The following ZNF700 variants were observed in gnomAD, a reference collection of about 807,000 sequenced individuals.
ZNF700 encodes the protein zinc finger protein 700.
ZNF700 carries 38 observed loss-of-function variants against 65.3 expected under a neutral mutation model. The ratio of observed to expected loss-of-function variants is 0.58; its 90% CI spans 0.45 to 0.76. ZNF700 has a LOEUF of 0.76. Among genes scored for constraint, ZNF700 ranks in the 30% least tolerant of loss-of-function variants. The pLI is 0.00. For synonymous variants in ZNF700, 285 were observed against 290.4 expected, an observed-to-expected ratio of 0.98 and a Z score of 0.19; for missense variants, 857 against 888.4, an observed-to-expected ratio of 0.96 and a Z score of 0.45.
At chr19:11,941,227 G>A (rs1834580281) in intron 1 of ZNF700, among the ~76,000 whole-genome samples, 1 of 152,278 alleles carries the variant, frequency 6.6e-6, no homozygotes, top group Non-Finnish European at 1.5e-5. Context: ...AGCCCAGATG[G>A]CTTCACCCAG....
chr19:11,925,564 C>G (rs528718333), intron 1 of ZNF700, among the ~76,000 whole-genome samples: 16 of 152,294 alleles, frequency 1.1e-4, no homozygotes, highest in African/African-American at 3.8e-4. Flanking sequence ...CCAGATTGTG[C>G]GGAAGCAACG....
At chr19:11,934,694 T>C (rs1469474293) in intron 1 of ZNF700, among the ~76,000 whole-genome samples, 1 of 147,470 alleles carries the variant, frequency 6.8e-6, no homozygotes, top group African/African-American at 2.7e-5. Context: ...TCCTGACCAA[T>C]TTTTGTATTA....
At chr19:11,946,590 G>C (rs1228198622) in intron 1 of ZNF700, among the ~76,000 whole-genome samples, 1 of 152,120 alleles carries the variant, frequency 6.6e-6, no homozygotes, top group African/African-American at 2.4e-5. Flanking sequence ...CTGGCTTACA[G>C]GTAATCTTGT....
Position 11,926,953 on chromosome 19 carries a change from T to A in ZNF700, c.63+1680T>A, listed in dbSNP as rs540910668. Among the ~76,000 whole-genome samples, 6 of 152,276 alleles carry A rather than the reference T, an allele frequency of 3.9e-5. No individual in the cohort carries two copies. The East Asian group carries it at 1.2e-3, about 29-fold the overall frequency. The stretch of plus-strand genomic sequence containing the variant: ...AAACTGGAAGTTAAGTTCTTGCTTG[T>A]ATTACCAGGAAAAGAGGTCCTGATC... On this transcript the variant is annotated intron_variant, in intron 1 of 3. Coordinates refer to ENST00000254321, the MANE Select transcript of ZNF700 (RefSeq NM_144566.3).
In ZNF700 at chr19:11,950,411, C is replaced by T; in HGVS notation, c.*158C>T. 2.5e-6 allele frequency: 2 copies of T among 814,756 alleles called. No individual in the cohort carries two copies. The highest frequency in any genetic ancestry group is 2.4e-5 in the East Asian group (1 of 41,200). The allele number at this position is 814,756 out of a possible 1,614,324, so 50.5% of individuals were successfully genotyped here. A position where few individuals can be genotyped will look rare whatever the true frequency, so the allele number is the denominator to read the frequency against. ...TATCAATGTAAGCAGTGTGGGAAAG[C>T]CTTCATTCCTTTTACTTCTTTTCAA... On this transcript the variant is annotated 3_prime_UTR_variant, in exon 4 of 4. Coordinates refer to ENST00000254321, the MANE Select transcript of ZNF700 (RefSeq NM_144566.3).
At chr19:11,943,714 TA>T (rs1280592548) in intron 1 of ZNF700, among the ~76,000 whole-genome samples, 1 of 152,196 alleles carries the variant, frequency 6.6e-6, no homozygotes, top group Non-Finnish European at 1.5e-5. Flanking sequence ...AAGATTGTTT[TA>T]ACTTGTTGCC....
At chr19:11,944,834 T>C (rs1249545057) in intron 1 of ZNF700, among the ~76,000 whole-genome samples, 1 of 152,250 alleles carries the variant, frequency 6.6e-6, no homozygotes, top group African/African-American at 2.4e-5. Flanking sequence ...ATGTGAGATG[T>C]AGAAGTACCG....
At position 11,950,242 on chromosome 19, in the gene ZNF700, GCATT is replaced by G; in HGVS notation, c.2221_2224del (p.Phe741AlafsTer79). 2 of 1,609,926 alleles carry G rather than the reference GCATT, an allele frequency of 1.2e-6. No individual in the cohort carries two copies. Among genetic ancestry groups the G allele is most frequent in the Non-Finnish European group, 8.5e-7 (1 of 1,178,694 alleles). On this transcript the variant is annotated frameshift_variant, in exon 4 of 4. Transcript: ENST00000254321. LOFTEE classifies it high-confidence loss of function. Reference sequence around the variant, plus strand: ...ATATGAATGTAAGGATTGTGGGAAAGCATTCAGCTAGCCTGGTTCCTTTTATGGA... The same window carrying G: ...ATATGAATGTAAGGATTGTGGGAAAGCAGCTAGCCTGGTTCCTTTTATGGA...
At chr19:11,948,064 A>G (rs1972989689) in intron 3 of ZNF700, among the ~76,000 whole-genome samples, 1 of 152,240 alleles carries the variant, frequency 6.6e-6, no homozygotes, top group African/African-American at 2.4e-5. Flanking sequence ...ACATGGGAAT[A>G]CTATTAAGAA....
At chr19:11,944,639 C>T (rs1450511038) in intron 1 of ZNF700, among the ~76,000 whole-genome samples, 1 of 152,238 alleles carries the variant, frequency 6.6e-6, no homozygotes, top group Non-Finnish European at 1.5e-5. Flanking sequence ...AGAGTATGTA[C>T]ACACAAGAAC....
Position 11,949,587 on chromosome 19 carries a change from G to A in ZNF700, c.1563G>A (p.Lys521=), listed in dbSNP as rs771072876. ...GTGAGAAAGGCTTTTATTCTGCCAA[G>A]TCATTTCAAACACATGAAAAAACTC... ...SICEKGFYSA[K]SFQTHEKTHT... The change falls in exon 4 of 4, where the codon AAG becomes AAA. Residue 521 remains lysine (K), a synonymous_variant. Transcript: ENST00000254321. 6.2e-7 allele frequency: 1 copy of A among 1,611,990 alleles called. No individual in the cohort carries two copies. Among genetic ancestry groups the A allele is most frequent in the Non-Finnish European group, 8.5e-7 (1 of 1,179,626 alleles).
chr19:11,940,893 A>G (rs1474298506), intron 1 of ZNF700, among the ~76,000 whole-genome samples: 2 of 152,130 alleles, frequency 1.3e-5, no homozygotes, highest in African/African-American at 4.8e-5. Flanking sequence ...CCACCAGAAT[A>G]GCTAGGTACA....
At chr19:11,945,973 A>G (rs1331381065) in intron 1 of ZNF700, among the ~76,000 whole-genome samples, 1 of 152,078 alleles carries the variant, frequency 6.6e-6, no homozygotes, top group Non-Finnish European at 1.5e-5. Flanking sequence ...CTTTTTGGAT[A>G]AGGGGGTGAC....
intron 3 of ZNF700, 148 bp downstream of exon 3, chr19:11,947,722 G>A (rs915480509): frequency 1.6e-5 from 13 of 809,606 alleles, no homozygotes; most frequent in African/African-American, 1.0e-4. Context: ...ATATTTAAAC[G>A]TGACTGAGGC....
At chr19:11,940,205 T>A (rs908484058) in intron 1 of ZNF700, among the ~76,000 whole-genome samples, 1 of 152,166 alleles carries the variant, frequency 6.6e-6, no homozygotes, top group Non-Finnish European at 1.5e-5. Context: ...GCTGGGCTTA[T>A]AGGCATGAGC....
chr19:11,926,555 A>ATTC (rs1972631442), intron 1 of ZNF700: 1 of 152,994 alleles, frequency 6.5e-6, no homozygotes, highest in Non-Finnish European at 1.5e-5. Flanking sequence ...TGCCCTCCTA[A>ATTC]TTTTTGTATT....
rs1300449437 is a variant in ZNF700 at position 11,949,584 on chromosome 19, C to T, written c.1560C>T (p.Ala520=). 6.2e-7 allele frequency: 1 copy of T among 1,612,802 alleles called. No homozygotes were observed. Among genetic ancestry groups the T allele is most frequent in the Non-Finnish European group, 8.5e-7 (1 of 1,179,846 alleles). The change falls in exon 4 of 4, where the codon GCC becomes GCT. Residue 520 remains alanine (A), a synonymous_variant. Transcript: ENST00000254321. Reference sequence around the variant, plus strand: ...TATGTGAGAAAGGCTTTTATTCTGCCAAGTCATTTCAAACACATGAAAAAA... The same window carrying T: ...TATGTGAGAAAGGCTTTTATTCTGCTAAGTCATTTCAAACACATGAAAAAA... ...CSICEKGFYS[A]KSFQTHEKTH... is the part of the protein sequence containing the mutation.
Position 11,949,278 on chromosome 19 carries a change from T to C in ZNF700, c.1254T>C (p.Tyr418=). ...GGATTCACACTGGAGAGAAACCCTATGAGTGTAAGCAGTGTGGGAAAGCCT... is the reference window on the plus strand; with the variant it reads ...GGATTCACACTGGAGAGAAACCCTACGAGTGTAAGCAGTGTGGGAAAGCCT... ...HERIHTGEKP[Y]ECKQCGKAFR... The change falls in exon 4 of 4, where the codon TAT becomes TAC. Residue 418 remains tyrosine (Y), a synonymous_variant. Transcript: ENST00000254321. The C allele has an allele frequency of 6.2e-7, 1 of 1,614,140 alleles. No homozygotes were observed. The highest frequency in any genetic ancestry group is 1.1e-5 in the South Asian group (1 of 91,078).
chr19:11,947,804 C>G (rs1276920492), intron 3 of ZNF700, among the ~76,000 whole-genome samples: 1 of 152,136 alleles, frequency 6.6e-6, no homozygotes, highest in East Asian at 1.9e-4. Context: ...CCATCAGTTC[C>G]AGAACAGCCT....
Sources: allele counts gnomAD v4.1 joint callset (sites outside exome capture counted in the v4.1 genomes callset), GRCh38; gene constraint gnomAD v4.1.1; transcripts MANE v1.5; gene names NCBI Gene and HGNC (gene_info 2026-07-23, HGNC 2026-07-21).